Variants in DPY19L3 observed in about 807,000 individuals in gnomAD.
DPY19L3 encodes dpy-19 like C-mannosyltransferase 3, also known as protein C-mannosyl-transferase DPY19L3.
In DPY19L3, 51 loss-of-function variants were observed where a neutral mutation model predicts 92.3. That is an observed-to-expected ratio of 0.55 (90% CI 0.44 to 0.70). DPY19L3 has a LOEUF of 0.70. DPY19L3 is among the 30% of genes least tolerant of loss of function. DPY19L3 has a pLI of 0.00. For missense variants in DPY19L3, 706 were observed against 855.9 expected, an observed-to-expected ratio of 0.82 and a Z score of 2.18; for synonymous variants, 309 against 315.2, an observed-to-expected ratio of 0.98 and a Z score of 0.21.
chr19:32,474,365 G>C (rs996257933), intron 16 of DPY19L3, among the ~76,000 whole-genome samples: 1 of 152,200 alleles, frequency 6.6e-6, no homozygotes, highest in Non-Finnish European at 1.5e-5. Context: ...CTCTGCTGGT[G>C]ATGGCCCTGC....
chr19:32,447,587 G>A (rs1969540226), intron 8 of DPY19L3, among the ~76,000 whole-genome samples: 1 of 151,864 alleles, frequency 6.6e-6, no homozygotes, highest in African/African-American at 2.4e-5. Flanking sequence ...CGTGGTGGTG[G>A]GTACCTGTAA....
chr19:32,467,007 C>G (rs1202799097), intron 15 of DPY19L3, among the ~76,000 whole-genome samples: 1 of 152,108 alleles, frequency 6.6e-6, no homozygotes, highest in Non-Finnish European at 1.5e-5. Context: ...GTTAGAGTTT[C>G]AAAATTTCTT....
intron 4 of DPY19L3, among the ~76,000 whole-genome samples, chr19:32,435,125 C>T (rs1478898779): frequency 6.6e-6 from 1 of 152,200 alleles, no homozygotes; most frequent in Non-Finnish European, 1.5e-5. Flanking sequence ...CCTTTTGTTG[C>T]TGTGTCCTCA....
intron 2 of DPY19L3, 31 bp downstream of exon 2, chr19:32,408,387 G>T: frequency 6.5e-7 from 1 of 1,544,364 alleles, no homozygotes. Flanking sequence ...CAGCAATTTG[G>T]GTTGCTTTTA....
chr19:32,450,753 G>A (rs1035979558), intron 8 of DPY19L3, among the ~76,000 whole-genome samples: 47 of 152,152 alleles, frequency 3.1e-4, no homozygotes, highest in African/African-American at 1.1e-3. Flanking sequence ...GGTTTCTTTC[G>A]AAGTGATGAG....
chr19:32,428,937 C>T (rs1268340236), intron 3 of DPY19L3, among the ~76,000 whole-genome samples: 7 of 151,968 alleles, frequency 4.6e-5, no homozygotes, highest in Non-Finnish European at 1.0e-4. Flanking sequence ...AACCTCTGCC[C>T]TCCGAGTTCA....
At chr19:32,481,991 C>T in intron 18 of DPY19L3, 88 bp from the exon 19 acceptor site, 1 of 1,444,504 alleles carries the variant, frequency 6.9e-7, no homozygotes, top group Non-Finnish European at 9.4e-7. Flanking sequence ...ACATACCATT[C>T]TTAAACCCAA....
At chr19:32,481,788 G>C (rs1182635284) in intron 18 of DPY19L3, 2 of 270,816 alleles carry the variant, frequency 7.4e-6, no homozygotes, top group East Asian at 1.4e-4. Context: ...ATTTCTATGA[G>C]AGAGACAGTA....
chr19:32,423,402 AT>A (rs71176123), intron 3 of DPY19L3, among the ~76,000 whole-genome samples: 134 of 82,228 alleles, frequency 1.6e-3, no homozygotes, highest in Admixed American at 2.5e-3. Flanking sequence ...TGCCCAGCTA[AT>A]TTTTTTTTTT....
intron 6 of DPY19L3, chr19:32,438,845 T>C: frequency 3.2e-6 from 1 of 311,840 alleles, no homozygotes; most frequent in East Asian, 5.2e-5. Context: ...CATTTGTGAG[T>C]TTAGGAGTAA....
rs1383892306 is a variant in DPY19L3 at position 32,482,654 on chromosome 19, A to T, written c.*414A>T. The T allele has an allele frequency of 6.4e-6, 1 of 155,254 alleles. No homozygotes were observed. Among genetic ancestry groups the T allele is most frequent in the Non-Finnish European group, 1.4e-5 (1 of 70,244 alleles). 9.6% of individuals were successfully genotyped at this position (155,254 alleles called of 1,614,324 possible). On this transcript the variant is annotated 3_prime_UTR_variant, in exon 19 of 19. Coordinates refer to ENST00000392250, the MANE Select transcript of DPY19L3 (RefSeq NM_001172774.2). ...ATCAACTAGAGATGATGATCGACTTATTTAATATGATTTCACTGGTGAAGA... is the reference window on the plus strand; with the variant it reads ...ATCAACTAGAGATGATGATCGACTTTTTTAATATGATTTCACTGGTGAAGA...
chr19:32,428,678 C>T (rs1459078619), intron 3 of DPY19L3, among the ~76,000 whole-genome samples: 1 of 152,152 alleles, frequency 6.6e-6, no homozygotes, highest in East Asian at 1.9e-4. Flanking sequence ...TCTCAAAGGA[C>T]TCTAGCCTTT....
At chr19:32,467,961 A>G (rs968261710) in intron 15 of DPY19L3, 32 of 985,282 alleles carry the variant, frequency 3.2e-5, no homozygotes, top group Non-Finnish European at 1.1e-5. Context: ...GATGTACCAG[A>G]TATTCCTGGA....
Position 32,482,436 on chromosome 19 carries a change from C to CT in DPY19L3, c.*197dup, listed in dbSNP as rs138753997. 4,841 of 590,374 alleles carry CT rather than the reference C, an allele frequency of 8.2e-3. 288 individuals are homozygous for CT. The East Asian group carries it at 0.12, about 15-fold the overall frequency. The allele number at this position is 590,374 out of a possible 1,614,324, so 36.6% of individuals were successfully genotyped here. A position where few individuals can be genotyped will look rare whatever the true frequency, so the allele number is the denominator to read the frequency against. ...AGCAGAAGTCTTTTTCGTTGTGTGT[C>CT]TATCTTTCTCATTAATGTTCTTTAG... On this transcript the variant is annotated 3_prime_UTR_variant, in exon 19 of 19. Transcript: ENST00000392250.
chr19:32,477,355 A>G (rs892852000), intron 16 of DPY19L3, 167 bp from the exon 17 acceptor site: 14 of 806,434 alleles, frequency 1.7e-5, no homozygotes, highest in Non-Finnish European at 2.6e-5. Context: ...TTTGCACTCA[A>G]TAGTTTGAGT....
intron 16 of DPY19L3, among the ~76,000 whole-genome samples, chr19:32,473,556 CAG>C (rs1207862709): frequency 6.6e-6 from 1 of 152,198 alleles, no homozygotes; most frequent in East Asian, 1.9e-4. Context: ...ATAGAAAGGA[CAG>C]TGAATATAAG....
At chr19:32,478,524 A>G (rs1337284671) in intron 17 of DPY19L3, among the ~76,000 whole-genome samples, 5 of 152,196 alleles carry the variant, frequency 3.3e-5, no homozygotes, top group Non-Finnish European at 7.4e-5. Context: ...CTCTCCCATT[A>G]TTGCAGTTCT....
rs528302423 is a variant in DPY19L3, at chr19:32,441,426, A to G, written c.855+1516A>G. 1.1e-4 allele frequency among the ~76,000 whole-genome samples: 16 copies of G among 152,032 alleles called. No individual in the cohort carries two copies. In the South Asian group the frequency reaches 1.7e-3, roughly 16 times the overall value. On this transcript the variant is annotated intron_variant, in intron 8 of 18. Transcript: ENST00000392250. ...TAAAGTATCAACAGTCAGCTACACG[A>G]TTGATGTTCTGCATATTCTTTTTGT...
intron 3 of DPY19L3, chr19:32,411,756 C>T (rs943549870): frequency 3.3e-5 from 7 of 215,078 alleles, no homozygotes; most frequent in African/African-American, 4.6e-5. Flanking sequence ...TTACTAGAGA[C>T]GGGGTTTCAG....
Sources: allele counts gnomAD v4.1 joint callset (sites outside exome capture counted in the v4.1 genomes callset), GRCh38; gene constraint gnomAD v4.1.1; transcripts MANE v1.5; gene names NCBI Gene and HGNC (gene_info 2026-07-23, HGNC 2026-07-21).